SPATA17: variants seen among roughly 807,000 people sequenced by gnomAD.
The protein encoded by SPATA17 is spermatogenesis-associated protein 17.
SPATA17 carries 53 observed loss-of-function variants against 62.2 expected under a neutral mutation model. That is an observed-to-expected ratio of 0.85 (90% CI 0.68 to 1.07). The LOEUF (loss-of-function observed/expected upper bound fraction) is 1.07. Ranked by LOEUF, SPATA17 falls within the 50% of genes least tolerant of loss-of-function variation. The pLI is 0.00. For synonymous variants in SPATA17, 146 were observed against 146.8 expected (o/e 0.99, Z 0.04); for missense variants, 466 against 425.5 (o/e 1.10, Z -0.84).
chr1:217,840,769 G>A (rs1675376173), intron 9 of SPATA17, among the ~76,000 whole-genome samples: 1 of 151,970 alleles, frequency 6.6e-6, no homozygotes, highest in Non-Finnish European at 1.5e-5. Flanking sequence ...TTAGGCAGGA[G>A]GATTGCTTGA....
At chr1:217,827,203 T>A (rs1011939056) in intron 9 of SPATA17, among the ~76,000 whole-genome samples, 1 of 152,084 alleles carries the variant, frequency 6.6e-6, no homozygotes, top group Non-Finnish European at 1.5e-5. Context: ...TATTAAAGTT[T>A]ATGCTTTAAT....
At chr1:217,633,569 C>CT (rs1419311342) in intron 1 of SPATA17, among the ~76,000 whole-genome samples, 1 of 152,148 alleles carries the variant, frequency 6.6e-6, no homozygotes, top group African/African-American at 2.4e-5. Flanking sequence ...TAATCTAACT[C>CT]TAAAACCTCC....
Position 217,871,063 on chromosome 1 carries a change from G to A in SPATA17, c.*4044G>A, listed in dbSNP as rs1571852824. On this transcript the variant is annotated 3_prime_UTR_variant, in exon 11 of 11. Coordinates refer to ENST00000366933, the MANE Select transcript of SPATA17 (RefSeq NM_138796.4). ...TTTTAACTAGTCTCACTAATTTATA[G>A]TTATATATGATGTAGATCTAGATTG... 1 of 152,122 alleles carries A rather than the reference G, an allele frequency of 6.6e-6. No homozygotes were observed. Among genetic ancestry groups the A allele is most frequent in the Non-Finnish European group, 1.5e-5 (1 of 68,012 alleles). 9.4% of individuals were successfully genotyped at this position (152,122 alleles called of 1,614,324 possible). A position where few individuals can be genotyped will look rare whatever the true frequency, so the allele number is the denominator to read the frequency against.
chr1:217,862,962 T>C, intron 10 of SPATA17, 106 bp downstream of exon 10: 1 of 620,144 alleles, frequency 1.6e-6, no homozygotes, highest in Non-Finnish European at 2.7e-6. Context: ...CATGCTATAA[T>C]AATATTTTAT....
At chr1:217,634,775 A>T (rs563379409) in intron 1 of SPATA17, among the ~76,000 whole-genome samples, 33 of 152,370 alleles carry the variant, frequency 2.2e-4, no homozygotes, top group African/African-American at 7.7e-4. Context: ...TATGTCAGGA[A>T]TGAACGAGGA....
chr1:217,711,665 A>T (rs1671868565), intron 5 of SPATA17, among the ~76,000 whole-genome samples: 1 of 152,252 alleles, frequency 6.6e-6, no homozygotes. Context: ...AGTGGCTATT[A>T]TTATCAAGGA....
chr1:217,659,901 G>A (rs1670529615), intron 3 of SPATA17, among the ~76,000 whole-genome samples: 1 of 152,118 alleles, frequency 6.6e-6, no homozygotes, highest in Admixed American at 6.5e-5. Context: ...TGCCATGCCT[G>A]TAGTCCTCCT....
intron 6 of SPATA17, among the ~76,000 whole-genome samples, chr1:217,746,487 G>A (rs1407486121): frequency 6.6e-6 from 1 of 151,360 alleles, no homozygotes; most frequent in Admixed American, 6.6e-5. Context: ...TTTTGACAGT[G>A]CTTCAAAAAA....
At chr1:217,854,211 G>A (rs1263327979) in intron 9 of SPATA17, among the ~76,000 whole-genome samples, 3 of 152,112 alleles carry the variant, frequency 2.0e-5, no homozygotes, top group Admixed American at 2.0e-4. Flanking sequence ...ATTGTTACAG[G>A]CACATACTCT....
At chr1:217,715,164 A>G (rs1385306818) in intron 5 of SPATA17, among the ~76,000 whole-genome samples, 1 of 152,204 alleles carries the variant, frequency 6.6e-6, no homozygotes, top group Non-Finnish European at 1.5e-5. Context: ...GTATACACAC[A>G]CACATTACAT....
intron 5 of SPATA17, among the ~76,000 whole-genome samples, chr1:217,703,970 G>T (rs907822118): frequency 6.6e-6 from 1 of 151,798 alleles, no homozygotes; most frequent in Non-Finnish European, 1.5e-5. Context: ...TTTTTTGGGG[G>T]TGGGGCTCTT....
Position 217,859,360 on chromosome 1 carries a change from A to T in SPATA17, c.1006-3414A>T, listed in dbSNP as rs1281219698. 4.0e-5 allele frequency among the ~76,000 whole-genome samples: 6 copies of T among 150,264 alleles called. No homozygotes were observed. The South Asian group carries it at 1.0e-3, about 26-fold the overall frequency. On this transcript the variant is annotated intron_variant, in intron 9 of 10. Coordinates refer to ENST00000366933, the MANE Select transcript of SPATA17 (RefSeq NM_138796.4). ...GTAATTTTCTATATATATAATTTCT[A>T]TAGGTTTATAATGTTATTTTATTAT... is the stretch of plus-strand genomic sequence containing the variant.
rs1670305865 is a variant in SPATA17 at position 217,651,198 on chromosome 1, A to G, written c.240+20A>G. The G allele has an allele frequency of 4.5e-6, 7 of 1,551,792 alleles. No individual in the cohort carries two copies. Among genetic ancestry groups the G allele is most frequent in the African/African-American group, 2.7e-5 (2 of 72,838 alleles). On this transcript the variant is annotated intron_variant, in intron 3 of 10. Coordinates refer to ENST00000366933, the MANE Select transcript of SPATA17 (RefSeq NM_138796.4). ...GTGCAGGTAAATATAAAATGTACAT[A>G]TGTTAGCATTTGAATTGTACAATAT...
At chr1:217,781,270 T>C (rs1673720884) in intron 7 of SPATA17, 1 of 152,228 alleles carries the variant, frequency 6.6e-6, no homozygotes, top group African/African-American at 2.4e-5. Context: ...CAGCTGTGTC[T>C]TGTTAGTGAT....
chr1:217,631,757 C>T (rs1430862632), intron 1 of SPATA17, among the ~76,000 whole-genome samples: 1 of 152,204 alleles, frequency 6.6e-6, no homozygotes, highest in Non-Finnish European at 1.5e-5. Flanking sequence ...GTTCAATACC[C>T]TGACTGGGGG....
chr1:217,790,178 G>A (rs1477059153), intron 8 of SPATA17, among the ~76,000 whole-genome samples: 3 of 152,128 alleles, frequency 2.0e-5, no homozygotes, highest in Admixed American at 2.0e-4. Context: ...CCTTATCTGG[G>A]GTCTAAGTGC....
At chr1:217,754,078 A>G (rs1375048706) in intron 6 of SPATA17, among the ~76,000 whole-genome samples, 1 of 152,050 alleles carries the variant, frequency 6.6e-6, no homozygotes, top group Non-Finnish European at 1.5e-5. Context: ...TCTACAAAAA[A>G]AAAATTATCC....
At chr1:217,667,658 T>G (rs560833761) in intron 3 of SPATA17, among the ~76,000 whole-genome samples, 1 of 152,262 alleles carries the variant, frequency 6.6e-6, no homozygotes, top group East Asian at 1.9e-4. Flanking sequence ...AACAATGATA[T>G]GATAAAGACA....
chr1:217,853,247 C>T (rs1303359744), intron 9 of SPATA17, among the ~76,000 whole-genome samples: 1 of 152,004 alleles, frequency 6.6e-6, no homozygotes, highest in African/African-American at 2.4e-5. Context: ...GTTTATAATG[C>T]TTCGCTTATT....
Sources: gnomAD v4.1 joint callset for allele counts (sites outside exome capture counted in the v4.1 genomes callset) on GRCh38, gnomAD v4.1.1 for gene constraint, MANE v1.5 for transcripts, NCBI Gene and HGNC (gene_info 2026-07-23, HGNC 2026-07-21) for gene names.